ENOX2: variants seen among roughly 807,000 people sequenced by gnomAD.
The protein encoded by ENOX2 is ecto-NOX disulfide-thiol exchanger 2.
ENOX2 carries 36 observed loss-of-function variants against 45.0 expected under a neutral mutation model. That is an observed-to-expected ratio of 0.80 (90% CI 0.61 to 1.06). The LOEUF (loss-of-function observed/expected upper bound fraction) is 1.06. Ranked by LOEUF, ENOX2 falls within the 50% of genes least tolerant of loss-of-function variation. The probability of loss-of-function intolerance (pLI) is 0.00; values close to 1 mark genes in which losing one functional copy is unlikely to be tolerated. For missense variants in ENOX2, 423 were observed against 462.5 expected (o/e 0.91, Z 0.78); for synonymous variants, 174 against 152.3 (o/e 1.14, Z -1.05).
At chrX:130,843,909 A>G (rs932822282) in intron 2 of ENOX2, among the ~76,000 whole-genome samples, 5 of 112,528 alleles carry the variant, frequency 4.4e-5, no homozygotes, top group Non-Finnish European at 9.4e-5. Context: ...TGAATAAACT[A>G]TAAGTTCCTT....
chrX:130,668,817 C>T (rs1277692439), intron 7 of ENOX2, among the ~76,000 whole-genome samples: 1 of 112,152 alleles, frequency 8.9e-6, no homozygotes, highest in Non-Finnish European at 1.9e-5. Context: ...TATGTTGATG[C>T]TCAGTTTTTG....
intron 3 of ENOX2, among the ~76,000 whole-genome samples, chrX:130,762,306 G>A (rs2039510390): frequency 8.9e-6 from 1 of 111,761 alleles, no homozygotes; most frequent in South Asian, 3.8e-4. Context: ...TACTTGGTTG[G>A]GCTCACTCCT....
chrX:130,721,207 T>C (rs2038466490), intron 3 of ENOX2, among the ~76,000 whole-genome samples: 1 of 111,746 alleles, frequency 8.9e-6, no homozygotes, highest in Admixed American at 9.4e-5. Context: ...GGCATGTCCC[T>C]ATATACATCT....
intron 2 of ENOX2, among the ~76,000 whole-genome samples, chrX:130,816,566 C>A (rs181113688): frequency 8.9e-6 from 1 of 111,815 alleles, no homozygotes; most frequent in East Asian, 2.8e-4. Context: ...ATAACAGTCT[C>A]TCAGACAACA....
chrX:130,810,830 C>T (rs2077378443), intron 2 of ENOX2, among the ~76,000 whole-genome samples: 1 of 112,069 alleles, frequency 8.9e-6, no homozygotes, highest in Admixed American at 9.3e-5. Context: ...CAGACCCAGG[C>T]GTCAGGCCAG....
rs1268297584 is a variant in ENOX2 at position 130,624,566 on chromosome X, T to C, written c.*748A>G. On this transcript the variant is annotated 3_prime_UTR_variant, in exon 15 of 15. Transcript: ENST00000394363. ...ACAGAAAACTGAACATGCCCTCCTTTAAAAGCAGACTATTTACAAGTGATT... is the reference window on the plus strand; with the variant it reads ...ACAGAAAACTGAACATGCCCTCCTTCAAAAGCAGACTATTTACAAGTGATT... 1 of 112,815 alleles carries C rather than the reference T, an allele frequency of 8.9e-6. No individual in the cohort carries two copies. The highest frequency in any genetic ancestry group is 2.8e-4 in the East Asian group (1 of 3,621). 9.3% of individuals were successfully genotyped at this position (112,815 alleles called of 1,213,427 possible). A position where few individuals can be genotyped will look rare whatever the true frequency, so the allele number is the denominator to read the frequency against.
chrX:130,688,275 C>G (rs1429528584), intron 5 of ENOX2, among the ~76,000 whole-genome samples: 1 of 112,398 alleles, frequency 8.9e-6, no homozygotes, highest in Non-Finnish European at 1.9e-5. Flanking sequence ...GAGAAGCCTC[C>G]TCATTACTGA....
intron 2 of ENOX2, among the ~76,000 whole-genome samples, chrX:130,802,113 AGCAGAGTCT>A (rs1276666048): frequency 2.7e-5 from 3 of 112,219 alleles, no homozygotes; most frequent in Middle Eastern, 4.6e-3. Context: ...AGGAAGAAAT[AGCAGAGTCT>A]GCTTATCAAG....
chrX:130,828,687 A>G (rs980604461), intron 2 of ENOX2, among the ~76,000 whole-genome samples: 1 of 111,988 alleles, frequency 8.9e-6, no homozygotes, highest in African/African-American at 3.2e-5. Context: ...AAATCCAGGA[A>G]GCAAAATAGG....
intron 3 of ENOX2, among the ~76,000 whole-genome samples, chrX:130,723,194 T>C (rs928654245): frequency 8.9e-6 from 1 of 112,214 alleles, no homozygotes. Context: ...TCAGGAGGGA[T>C]GCATTTTACT....
At chrX:130,809,774 CGT>C (rs930291310) in intron 2 of ENOX2, among the ~76,000 whole-genome samples, 2 of 109,268 alleles carry the variant, frequency 1.8e-5, no homozygotes, top group African/African-American at 6.7e-5. Context: ...TGTGCATGTG[CGT>C]GTGTGTATCT....
chrX:130,716,557 T>C (rs1352795638), intron 3 of ENOX2, among the ~76,000 whole-genome samples: 1 of 112,005 alleles, frequency 8.9e-6, no homozygotes. Context: ...GAGAAGAACC[T>C]GCTCTTCACA....
At chrX:130,856,978 A>G (rs777075691) in intron 2 of ENOX2, among the ~76,000 whole-genome samples, 1 of 111,960 alleles carries the variant, frequency 8.9e-6, no homozygotes, top group Non-Finnish European at 1.9e-5. Context: ...CAGTGCGTAG[A>G]GTGGAATATA....
At chrX:130,656,812 T>G (rs2036559892) in intron 9 of ENOX2, 117 bp from the exon 10 acceptor site, 1 of 466,035 alleles carries the variant, frequency 2.1e-6, no homozygotes, top group Admixed American at 3.9e-5. Flanking sequence ...AAAAAAATCC[T>G]CCAAATACTC....
chrX:130,671,431 G>A (rs1245341531), intron 6 of ENOX2, among the ~76,000 whole-genome samples: 4 of 111,308 alleles, frequency 3.6e-5, no homozygotes, highest in Admixed American at 9.5e-5. Context: ...ACAGGGAAGG[G>A]AACTCAGACA....
Position 130,732,470 on chromosome X carries a change from T to G in ENOX2, c.-38-29216A>C, listed in dbSNP as rs778137978. ...AATGCAAGCCCTATCAAAACCCCAGTGACATTTTATTTTCACAGAAATAGG... is the reference window on the plus strand; with the variant it reads ...AATGCAAGCCCTATCAAAACCCCAGGGACATTTTATTTTCACAGAAATAGG... On this transcript the variant is annotated intron_variant, in intron 3 of 14. Transcript: ENST00000394363. Among the ~76,000 whole-genome samples, 4 of 111,723 alleles carry G rather than the reference T, an allele frequency of 3.6e-5. No individual in the cohort carries two copies. In the East Asian group the frequency reaches 1.1e-3, roughly 31 times the overall value.
Position 130,764,637 on chromosome X carries a change from AT to A in ENOX2, c.-39+18909del, listed in dbSNP as rs1208329909. ...CTTGCAGATCCAGGCTAAGAGCACA[AT>A]TTTTTCTCTAACAACTGATTCATCA... On this transcript the variant is annotated intron_variant, in intron 3 of 14. Coordinates refer to ENST00000394363, the MANE Select transcript of ENOX2 (RefSeq NM_006375.4). Among the ~76,000 whole-genome samples the A allele has an allele frequency of 5.4e-5, 6 of 110,687 alleles. No homozygotes were observed. The Admixed American group carries it at 5.8e-4, about 11-fold the overall frequency.
At chrX:130,852,990 A>G (rs980906641) in intron 2 of ENOX2, among the ~76,000 whole-genome samples, 1 of 111,270 alleles carries the variant, frequency 9.0e-6, no homozygotes, top group African/African-American at 3.3e-5. Context: ...GACATTATAT[A>G]TAAGACAAAC....
chrX:130,742,830 T>G (rs1199193159), intron 3 of ENOX2, among the ~76,000 whole-genome samples: 1 of 112,184 alleles, frequency 8.9e-6, no homozygotes, highest in African/African-American at 3.2e-5. Context: ...GCCACTGCTG[T>G]ACACTGTCTT....
Sources: gnomAD v4.1 joint callset for allele counts (sites outside exome capture counted in the v4.1 genomes callset) on GRCh38, gnomAD v4.1.1 for gene constraint, MANE v1.5 for transcripts, NCBI Gene and HGNC (gene_info 2026-07-23, HGNC 2026-07-21) for gene names.